Variants in CPA6 observed in about 807,000 individuals in gnomAD.
The protein encoded by CPA6 is carboxypeptidase B.
Under a neutral mutation model 63.3 loss-of-function variants are expected in CPA6, and 58 were observed. The ratio of observed to expected loss-of-function variants is 0.92; its 90% CI spans 0.74 to 1.14. The LOEUF is 1.14. CPA6 is among the 50% of genes most tolerant of loss of function. CPA6 has a pLI of 0.00. For missense variants in CPA6, 565 were observed against 526.6 expected (o/e 1.07, Z -0.71); for synonymous variants, 185 against 179.0 (o/e 1.03, Z -0.27).
At chr8:67,425,159 T>C (rs1229550972) in intron 10 of CPA6, among the ~76,000 whole-genome samples, 1 of 152,180 alleles carries the variant, frequency 6.6e-6, no homozygotes, top group African/African-American at 2.4e-5. Flanking sequence ...GCATATGTAG[T>C]TTTTAGTCTA....
chr8:67,632,177 T>C (rs546286858), intron 1 of CPA6, among the ~76,000 whole-genome samples: 15 of 142,886 alleles, frequency 1.0e-4, no homozygotes, highest in Non-Finnish European at 1.4e-4. Context: ...TGTGTGTGTG[T>C]GTGTGTTTTC....
chr8:67,472,134 C>T (rs1252428347), intron 8 of CPA6, among the ~76,000 whole-genome samples: 2 of 152,042 alleles, frequency 1.3e-5, no homozygotes, highest in African/African-American at 2.4e-5. Context: ...TACTCATATG[C>T]TGACAGAAAG....
At chr8:67,475,864 TTTCTTTCTTTCTTTCTC>T (rs1811197784) in intron 8 of CPA6, among the ~76,000 whole-genome samples, 2 of 99,448 alleles carry the variant, frequency 2.0e-5, no homozygotes, top group African/African-American at 8.4e-5. Flanking sequence ...TCTTTCTTTC[TTTCTTTCTTTCTTTCTC>T]CTTTCTTTCT....
intron 1 of CPA6, among the ~76,000 whole-genome samples, chr8:67,709,215 C>A (rs570086898): frequency 6.6e-6 from 1 of 152,304 alleles, no homozygotes; most frequent in East Asian, 1.9e-4. Flanking sequence ...TGTGGGCAGG[C>A]CACCCCAAGG....
chr8:67,458,262 TCTCGGCTCACTGCAAC>T (rs1381975196), intron 8 of CPA6, among the ~76,000 whole-genome samples: 2 of 152,188 alleles, frequency 1.3e-5, no homozygotes, highest in Non-Finnish European at 2.9e-5. Context: ...AGTGGTGCAA[TCTCGGCTCACTGCAAC>T]CTCCACCTCC....
chr8:67,628,443 C>T (rs1239390493), intron 1 of CPA6, among the ~76,000 whole-genome samples: 1 of 152,152 alleles, frequency 6.6e-6, no homozygotes, highest in Non-Finnish European at 1.5e-5. Flanking sequence ...CTTCTTTGTA[C>T]GTTACAGAAT....
chr8:67,455,939 T>C (rs1587445473), intron 8 of CPA6, among the ~76,000 whole-genome samples: 1 of 152,122 alleles, frequency 6.6e-6, no homozygotes, highest in East Asian at 1.9e-4. Context: ...GATCTTGACC[T>C]CCTGGCCTCA....
At chr8:67,644,264 G>A (rs1480744217) in intron 1 of CPA6, among the ~76,000 whole-genome samples, 11 of 152,036 alleles carry the variant, frequency 7.2e-5, no homozygotes, top group Admixed American at 5.9e-4. Context: ...GACTACAGGC[G>A]CCCGCCACCA....
chr8:67,602,598 C>T (rs918607395), intron 2 of CPA6, among the ~76,000 whole-genome samples: 2 of 152,204 alleles, frequency 1.3e-5, no homozygotes, highest in Admixed American at 6.5e-5. Flanking sequence ...GGCTTCCTTC[C>T]TGTCCCTCAT....
chr8:67,643,258 G>A (rs1035702934), intron 1 of CPA6, among the ~76,000 whole-genome samples: 2 of 152,108 alleles, frequency 1.3e-5, no homozygotes, highest in Non-Finnish European at 2.9e-5. Context: ...CAAGAGGTAG[G>A]AGAGTCATAC....
At chr8:67,534,368 A>T (rs56241822) in intron 2 of CPA6, among the ~76,000 whole-genome samples, 4 of 151,942 alleles carry the variant, frequency 2.6e-5, no homozygotes, top group African/African-American at 4.8e-5. Context: ...TGGCAGGGCC[A>T]GTGGCTAATC....
intron 8 of CPA6, among the ~76,000 whole-genome samples, chr8:67,443,997 T>TG (rs1810355349): frequency 6.6e-6 from 1 of 151,786 alleles, no homozygotes; most frequent in Non-Finnish European, 1.5e-5. Context: ...CGTAGTTTTT[T>TG]TTTTTTTTTT....
intron 9 of CPA6, among the ~76,000 whole-genome samples, chr8:67,431,601 C>T (rs143969055): frequency 2.0e-4 from 31 of 151,884 alleles, no homozygotes; most frequent in Non-Finnish European, 2.9e-4. Context: ...ACAGTGCCCA[C>T]GTAAAAAAAA....
At chr8:67,693,456 T>C (rs1412917477) in intron 1 of CPA6, among the ~76,000 whole-genome samples, 2 of 152,216 alleles carry the variant, frequency 1.3e-5, no homozygotes, top group African/African-American at 2.4e-5. Context: ...TCAAAAATTA[T>C]TTGTGGAATG....
At chr8:67,580,019 A>G (rs1051550891) in intron 2 of CPA6, among the ~76,000 whole-genome samples, 2 of 152,224 alleles carry the variant, frequency 1.3e-5, no homozygotes, top group African/African-American at 4.8e-5. Flanking sequence ...ATTTGGGACC[A>G]AAGGCAGAGA....
chr8:67,615,061 G>A (rs565614248), intron 2 of CPA6, among the ~76,000 whole-genome samples: 2 of 152,278 alleles, frequency 1.3e-5, no homozygotes, highest in African/African-American at 2.4e-5. Context: ...TTATAAGGTT[G>A]TGCCCTGATA....
intron 2 of CPA6, among the ~76,000 whole-genome samples, chr8:67,592,047 T>A (rs544501908): frequency 7.2e-5 from 11 of 152,304 alleles, no homozygotes; most frequent in African/African-American, 2.4e-4. Flanking sequence ...TCTTATTATT[T>A]TGAGATACAT....
At chr8:67,424,790 C>T (rs1463398331) in intron 10 of CPA6, among the ~76,000 whole-genome samples, 4 of 152,202 alleles carry the variant, frequency 2.6e-5, no homozygotes, top group African/African-American at 9.6e-5. Flanking sequence ...TCAGGCCTAG[C>T]CTCTTTTTCT....
intron 2 of CPA6, among the ~76,000 whole-genome samples, chr8:67,561,562 G>A (rs1264021482): frequency 6.6e-6 from 1 of 152,152 alleles, no homozygotes; most frequent in East Asian, 1.9e-4. Flanking sequence ...TCAAGGTCAT[G>A]AAAGTCAAGG....
Sources: gnomAD v4.1 joint callset for allele counts (sites outside exome capture counted in the v4.1 genomes callset) on GRCh38, gnomAD v4.1.1 for gene constraint, MANE v1.5 for transcripts, NCBI Gene and HGNC (gene_info 2026-07-23, HGNC 2026-07-21) for gene names.